The following FHIT variants were observed in gnomAD, a reference collection of about 807,000 sequenced individuals.
FHIT encodes fragile histidine triad diadenosine triphosphatase, also known as bis(5'-adenosyl)-triphosphatase.
Under a neutral mutation model 17.9 loss-of-function variants are expected in FHIT, and 19 were observed. The observed-to-expected ratio is 1.06, with a 90% CI of 0.74 to 1.56. FHIT has a LOEUF of 1.56. Among genes scored for constraint, FHIT ranks in the 40% most tolerant of loss-of-function variants. FHIT has a pLI of 0.00. For missense variants in FHIT, 248 were observed against 189.2 expected, an observed-to-expected ratio of 1.31 and a Z score of -1.82; for synonymous variants, 81 against 69.7, an observed-to-expected ratio of 1.16 and a Z score of -0.81.
At chr3:60,179,657 A>G (rs1367023528) in intron 5 of FHIT, among the ~76,000 whole-genome samples, 1 of 152,098 alleles carries the variant, frequency 6.6e-6, no homozygotes, top group Non-Finnish European at 1.5e-5. Flanking sequence ...ATTAGGTTAT[A>G]ATACATGTTT....
chr3:60,441,798 A>ATGTGTGTGTGTG (rs1559916451), intron 5 of FHIT, among the ~76,000 whole-genome samples: 42 of 65,602 alleles, frequency 6.4e-4, no homozygotes, highest in African/African-American at 1.7e-3. Context: ...ATATATATAT[A>ATGTGTGTGTGTG]TATATATATA....
chr3:60,661,962 T>A (rs1250920846), intron 4 of FHIT, among the ~76,000 whole-genome samples: 1 of 152,330 alleles, frequency 6.6e-6, no homozygotes, highest in African/African-American at 2.4e-5. Context: ...TGGTCCTCTG[T>A]CAGATGTATA....
intron 5 of FHIT, among the ~76,000 whole-genome samples, chr3:60,448,430 G>C (rs1164304240): frequency 6.6e-6 from 1 of 152,076 alleles, no homozygotes; most frequent in East Asian, 1.9e-4. Flanking sequence ...AAAATAAAAA[G>C]AAGAGCATTT....
intron 1 of FHIT, among the ~76,000 whole-genome samples, chr3:61,242,132 A>C (rs1424155075): frequency 6.6e-6 from 1 of 152,190 alleles, no homozygotes; most frequent in Admixed American, 6.5e-5. Flanking sequence ...AAATACTCAA[A>C]TATAACTGTA....
chr3:60,226,386 C>T (rs943453603), intron 5 of FHIT, among the ~76,000 whole-genome samples: 1 of 149,554 alleles, frequency 6.7e-6, no homozygotes, highest in Non-Finnish European at 1.5e-5. Context: ...GCAGGAGAAC[C>T]GCTTGAACCC....
At chr3:59,950,860 G>A (rs550486321) in intron 7 of FHIT, among the ~76,000 whole-genome samples, 26 of 152,284 alleles carry the variant, frequency 1.7e-4, no homozygotes, top group Middle Eastern at 3.4e-3. Flanking sequence ...GGATTCTACA[G>A]CCCATAAATG....
At chr3:61,205,522 TG>T (rs2039195281) in intron 1 of FHIT, among the ~76,000 whole-genome samples, 1 of 152,214 alleles carries the variant, frequency 6.6e-6, no homozygotes, top group Admixed American at 6.5e-5. Flanking sequence ...TTCTAACTGG[TG>T]TGAGATGGTA....
chr3:60,183,803 C>T (rs921309108), intron 5 of FHIT, among the ~76,000 whole-genome samples: 12 of 152,130 alleles, frequency 7.9e-5, no homozygotes, highest in Non-Finnish European at 1.3e-4. Context: ...ATCCTGATGA[C>T]AGTCAACAGC....
chr3:61,141,638 G>C (rs1250201724), intron 2 of FHIT, among the ~76,000 whole-genome samples: 1 of 151,452 alleles, frequency 6.6e-6, no homozygotes. Context: ...TTTCTAGCCT[G>C]AGTGGGTTGG....
chr3:61,079,124 T>C (rs2106768943), intron 2 of FHIT, among the ~76,000 whole-genome samples: 1 of 152,290 alleles, frequency 6.6e-6, no homozygotes, highest in Admixed American at 6.5e-5. Context: ...CTATCAGGTA[T>C]CATAATTTAT....
intron 5 of FHIT, among the ~76,000 whole-genome samples, chr3:60,219,993 T>G (rs1339809047): frequency 6.6e-6 from 1 of 152,140 alleles, no homozygotes; most frequent in East Asian, 1.9e-4. Flanking sequence ...TCCTTTGGAG[T>G]GGCTCATGGA....
chr3:60,765,486 G>A (rs1699819026), intron 4 of FHIT: 1 of 152,142 alleles, frequency 6.6e-6, no homozygotes, highest in Admixed American at 6.6e-5. Context: ...TAAGGTTAGG[G>A]GGAAAGCCAG....
At chr3:60,313,477 G>C (rs914156701) in intron 5 of FHIT, among the ~76,000 whole-genome samples, 2 of 152,142 alleles carry the variant, frequency 1.3e-5, no homozygotes, top group African/African-American at 4.8e-5. Context: ...CTACAAACAA[G>C]ATTCCATCAC....
chr3:60,859,028 T>C (rs149742964), intron 3 of FHIT, among the ~76,000 whole-genome samples: 1 of 152,206 alleles, frequency 6.6e-6, no homozygotes, highest in African/African-American at 2.4e-5. Context: ...AAAAAGGATT[T>C]CACCAGCTCT....
intron 5 of FHIT, among the ~76,000 whole-genome samples, chr3:60,335,248 T>C (rs1710178396): frequency 6.6e-6 from 1 of 152,172 alleles, no homozygotes; most frequent in East Asian, 1.9e-4. Context: ...ACTTAAAATT[T>C]AAAATATCTT....
intron 7 of FHIT, among the ~76,000 whole-genome samples, chr3:59,964,269 C>T (rs1575777790): frequency 6.6e-6 from 1 of 152,192 alleles, no homozygotes. Context: ...GAAAAAGGAA[C>T]ATTTGAAATT....
intron 3 of FHIT, among the ~76,000 whole-genome samples, chr3:60,837,757 C>T (rs1553744123): frequency 6.6e-6 from 1 of 151,988 alleles, no homozygotes; most frequent in Admixed American, 6.6e-5. Context: ...TCTAAAGTGT[C>T]TTTCAGTGCA....
intron 5 of FHIT, among the ~76,000 whole-genome samples, chr3:60,240,894 A>G (rs2107572775): frequency 6.6e-6 from 1 of 152,268 alleles, no homozygotes; most frequent in Admixed American, 6.5e-5. Context: ...TTCTGGAGGG[A>G]AAAAAATTGT....
At chr3:61,022,870 A>C (rs2032527301) in intron 3 of FHIT, among the ~76,000 whole-genome samples, 1 of 152,234 alleles carries the variant, frequency 6.6e-6, no homozygotes, top group Non-Finnish European at 1.5e-5. Context: ...TATTTATGAC[A>C]AACCTACAGC....
Sources: gnomAD v4.1 joint callset for allele counts (sites outside exome capture counted in the v4.1 genomes callset) on GRCh38, gnomAD v4.1.1 for gene constraint, MANE v1.5 for transcripts, NCBI Gene and HGNC (gene_info 2026-07-23, HGNC 2026-07-21) for gene names.